The following NBEAL1 variants were observed in gnomAD, a reference collection of about 807,000 sequenced individuals.
NBEAL1 encodes neurobeachin like 1, also known as neurobeachin-like protein 1.
Under a neutral mutation model 351.3 loss-of-function variants are expected in NBEAL1, and 273 were observed. The observed-to-expected ratio is 0.78, with a 90% CI of 0.70 to 0.86. The LOEUF (loss-of-function observed/expected upper bound fraction) is 0.86, where lower values mean the gene tolerates loss of function less well. Ranked by LOEUF, NBEAL1 falls within the 40% of genes least tolerant of loss-of-function variation. The probability of loss-of-function intolerance (pLI) is 0.00; values close to 1 mark genes in which losing one functional copy is unlikely to be tolerated. For missense variants in NBEAL1, 2,961 were observed against 3,201.3 expected (o/e 0.92, Z 1.81); for synonymous variants, 1,050 against 1,086.4 (o/e 0.97, Z 0.66).
At chr2:203,177,901 C>T (rs866943428) in intron 42 of NBEAL1, among the ~76,000 whole-genome samples, 19 of 152,000 alleles carry the variant, frequency 1.3e-4, no homozygotes, top group African/African-American at 4.6e-4. Flanking sequence ...TGCCTGTAAT[C>T]CTAGCTACTC....
At chr2:203,086,874 T>G (rs1189224660) in intron 10 of NBEAL1, among the ~76,000 whole-genome samples, 1 of 152,024 alleles carries the variant, frequency 6.6e-6, no homozygotes, top group Non-Finnish European at 1.5e-5. Context: ...AAGGCACCAT[T>G]ATCGACCCAG....
intron 6 of NBEAL1, among the ~76,000 whole-genome samples, chr2:203,057,832 T>G (rs148335467): frequency 0.012 from 1,773 of 148,738 alleles, 42 homozygotes; most frequent in African/African-American, 0.042. Context: ...TTCTTTTTTT[T>G]TTTTTTGTTT....
At chr2:203,216,835 A>C (rs2065902422) in intron 55 of NBEAL1, among the ~76,000 whole-genome samples, 1 of 152,096 alleles carries the variant, frequency 6.6e-6, no homozygotes, top group South Asian at 2.1e-4. Flanking sequence ...AGAGAGTTTC[A>C]CTATGATGCC....
At chr2:203,198,598 G>T (rs761201725) in intron 48 of NBEAL1, among the ~76,000 whole-genome samples, 12 of 152,044 alleles carry the variant, frequency 7.9e-5, no homozygotes, top group Non-Finnish European at 1.2e-4. Context: ...GAGCGCAGTG[G>T]CTCACACCTG....
chr2:203,167,164 T>G (rs1230975719), intron 37 of NBEAL1, 63 bp from the exon 38 acceptor site: 8 of 1,481,650 alleles, frequency 5.4e-6, no homozygotes, highest in Non-Finnish European at 7.3e-6. Context: ...CTAAGAGGTA[T>G]TTTCTACTTA....
chr2:203,083,276 G>T lies in NBEAL1; in HGVS notation c.742G>T (p.Ala248Ser). ...TATGGAAGTTCTTATGCGAGTATTG[G>T]CAGATTGTGATTCCTGGGAGGATGG... ...ATMEVLMRVLADCDSWEDGDP... is the reference protein window; with the variant it reads ...ATMEVLMRVLSDCDSWEDGDP... The change falls in exon 9 of 56, where the codon GCA (alanine) becomes TCA (serine). Residue 248 changes from alanine to serine, a missense_variant. Coordinates refer to ENST00000683969, the MANE Select transcript of NBEAL1 (RefSeq NM_001378026.1). 1 of 1,552,474 alleles carries T rather than the reference G, an allele frequency of 6.4e-7. No individual in the cohort carries two copies. The highest frequency in any genetic ancestry group is 1.4e-5 in the African/African-American group (1 of 73,304).
At chr2:203,040,523 C>T (rs531946466) in intron 2 of NBEAL1, 1 of 671,970 alleles carries the variant, frequency 1.5e-6, no homozygotes, top group African/African-American at 1.8e-5. Context: ...ACTTATGTGA[C>T]CTGGGGATTT....
In NBEAL1 at chr2:203,144,979, A is replaced by C. The variant is rs2063473130; in HGVS notation, c.5155-32A>C. ...TTATAGAGGTGAAGTCATATATTAA[A>C]TTTTATGTATCTTTTTTATTTTTTT... On this transcript the variant is annotated intron_variant, in intron 32 of 55. Coordinates refer to ENST00000683969, the MANE Select transcript of NBEAL1 (RefSeq NM_001378026.1). 5 of 1,508,332 alleles carry C rather than the reference A, an allele frequency of 3.3e-6. No individual in the cohort carries two copies. In the East Asian group the frequency reaches 1.2e-4, roughly 37 times the overall value. 93.4% of individuals were successfully genotyped at this position (1,508,332 alleles called of 1,614,324 possible). A position where few individuals can be genotyped will look rare whatever the true frequency, so the allele number is the denominator to read the frequency against.
chr2:203,110,361 T>C, intron 15 of NBEAL1, 79 bp downstream of exon 15: 1 of 1,455,692 alleles, frequency 6.9e-7, no homozygotes, highest in Non-Finnish European at 9.2e-7. Context: ...TCAACAGCAG[T>C]CATTTTTTTG....
chr2:203,023,417 G>T lies in NBEAL1; in HGVS notation c.51+6982G>T, dbSNP rs374529127. Among the ~76,000 whole-genome samples the T allele has an allele frequency of 1.2e-4, 19 of 152,310 alleles. No individual in the cohort carries two copies. The South Asian group carries it at 3.9e-3, about 32-fold the overall frequency. The stretch of plus-strand genomic sequence containing the variant: ...TTTCAGAATTTAGGTATGAAAGCAA[G>T]AAATGTATAGTTTATATCAGTGGAC... On this transcript the variant is annotated intron_variant, in intron 2 of 55. Coordinates refer to ENST00000683969, the MANE Select transcript of NBEAL1 (RefSeq NM_001378026.1).
intron 42 of NBEAL1, 152 bp downstream of exon 42, chr2:203,175,439 T>A: frequency 1.4e-6 from 1 of 719,364 alleles, no homozygotes. Context: ...AATGAGTCAC[T>A]CAAACTGTCT....
At chr2:203,162,272 C>T (rs1039376671) in intron 36 of NBEAL1, among the ~76,000 whole-genome samples, 2 of 151,982 alleles carry the variant, frequency 1.3e-5, no homozygotes, top group Non-Finnish European at 2.9e-5. Flanking sequence ...GATACTCCCA[C>T]CTTGGCCACC....
intron 7 of NBEAL1, among the ~76,000 whole-genome samples, chr2:203,070,859 A>G (rs910132243): frequency 6.6e-6 from 1 of 152,172 alleles, no homozygotes; most frequent in Non-Finnish European, 1.5e-5. Context: ...CCCACCTCCA[A>G]CACTGGGGAT....
chr2:203,193,795 G>A lies in NBEAL1; in HGVS notation c.6922G>A (p.Glu2308Lys), dbSNP rs2065162598. 1.2e-6 allele frequency: 2 copies of A among 1,606,306 alleles called. No individual in the cohort carries two copies. Among genetic ancestry groups the A allele is most frequent in the Non-Finnish European group, 1.7e-6 (2 of 1,174,884 alleles). ...FGQTPCQLLK[E>K]PHPPRLSAEE... ...GTTTTTCCTTAAAATTATTTTGAAG[G>A]AACCACACCCTCCAAGATTATCAGC... The change falls in exon 47 of 56, where the codon GAA (glutamate) becomes AAA (lysine). Residue 2308 changes from glutamate (E) to lysine (K), a missense_variant and splice_region_variant. Glu to Lys is a moderately conservative substitution (Grantham distance 56). Transcript: ENST00000683969.
At chr2:203,158,284 A>G (rs930425534) in intron 36 of NBEAL1, among the ~76,000 whole-genome samples, 1 of 152,238 alleles carries the variant, frequency 6.6e-6, no homozygotes, top group African/African-American at 2.4e-5. Context: ...TGATTAAAAG[A>G]AAGACAACAT....
In NBEAL1 at chr2:203,028,191, T is replaced by C. The variant is rs2060891224; in HGVS notation, c.51+11756T>C. On this transcript the variant is annotated intron_variant, in intron 2 of 55. Coordinates refer to ENST00000683969, the MANE Select transcript of NBEAL1 (RefSeq NM_001378026.1). ...GCCACTGAGCCTGGCCCAATTTTTTTTTTTTTTTAAGAGACAGGGTCTTGC... is the reference window on the plus strand; with the variant it reads ...GCCACTGAGCCTGGCCCAATTTTTTCTTTTTTTTAAGAGACAGGGTCTTGC... 2.0e-5 allele frequency among the ~76,000 whole-genome samples: 3 copies of C among 151,720 alleles called. No individual in the cohort carries two copies. In the South Asian group the frequency reaches 6.3e-4, roughly 32 times the overall value.
At chr2:203,098,906 GCTGT>G (rs1304825256) in intron 11 of NBEAL1, among the ~76,000 whole-genome samples, 4 of 152,118 alleles carry the variant, frequency 2.6e-5, no homozygotes, top group African/African-American at 9.7e-5. Context: ...GATTATTTTA[GCTGT>G]CTTTTTATAC....
intron 2 of NBEAL1, among the ~76,000 whole-genome samples, chr2:203,028,678 A>G (rs1469031203): frequency 6.6e-6 from 1 of 151,546 alleles, no homozygotes; most frequent in African/African-American, 2.4e-5. Flanking sequence ...TATTTAATAC[A>G]TTTATAGTAA....
chr2:203,077,761 A>G lies in NBEAL1; in HGVS notation c.608A>G (p.Gln203Arg). ...EFVPFFYQCF[Q>R]ESEHLKESLK... ...TATTTATTATTTACAGAATGTTTTC[A>G]GGAAAGTGAACATCTCAAGGAAAGT... is the stretch of plus-strand genomic sequence containing the variant. Residue 203 changes from glutamine (Q) to arginine (R), a missense_variant, in exon 8 of 56, where the codon CAG (glutamine) becomes CGG (arginine). By Grantham distance (43) the Gln-to-Arg change is conservative (BLOSUM62 1). Transcript: ENST00000683969. 2 of 1,422,484 alleles carry G rather than the reference A, an allele frequency of 1.4e-6. No homozygotes were observed. The highest frequency in any genetic ancestry group is 9.3e-7 in the Non-Finnish European group (1 of 1,075,488). The allele number at this position is 1,422,484 out of a possible 1,614,324, so 88.1% of individuals were successfully genotyped here. A position where few individuals can be genotyped will look rare whatever the true frequency, so the allele number is the denominator to read the frequency against.
Sources: allele counts gnomAD v4.1 joint callset (sites outside exome capture counted in the v4.1 genomes callset), GRCh38; gene constraint gnomAD v4.1.1; transcripts MANE v1.5; gene names NCBI Gene and HGNC (gene_info 2026-07-23, HGNC 2026-07-21).